Variants in RBFOX1 observed in about 807,000 individuals in gnomAD.
RBFOX1 encodes RNA binding fox-1 homolog 1, also known as RNA binding protein fox-1 homolog 1.
Under a neutral mutation model 57.7 loss-of-function variants are expected in RBFOX1, and 8 were observed. The observed-to-expected ratio is 0.14, with a 90% CI of 0.08 to 0.25. RBFOX1 has a LOEUF of 0.25. Ranked by LOEUF, RBFOX1 falls within the 10% of genes least tolerant of loss-of-function variation. The pLI is 1.00. For missense variants in RBFOX1, 611 were observed against 548.5 expected (o/e 1.11, Z -1.14); for synonymous variants, 326 against 222.4 (o/e 1.47, Z -4.15).
At position 5,480,591 on chromosome 16, in the gene RBFOX1, A is replaced by G. The variant is rs868173325; in HGVS notation, c.258+13337A>G. On this transcript the variant is annotated intron_variant, in intron 2 of 2. Transcript: ENST00000585867. ...ACCAGCCCAGCCTATTTTAGTTCCC[A>G]ATGGCTTTCTTAATTCTTTGTAGAA... Among the ~76,000 whole-genome samples the G allele has an allele frequency of 4.6e-5, 7 of 152,312 alleles. No homozygotes were observed. The South Asian group carries it at 1.5e-3, about 32-fold the overall frequency.
intron 1 of RBFOX1, among the ~76,000 whole-genome samples, chr16:6,109,407 T>C (rs1418198275): frequency 6.6e-6 from 1 of 152,180 alleles, no homozygotes; most frequent in Admixed American, 6.5e-5. Flanking sequence ...TACTGACTTA[T>C]TTTCTTCTTA....
At chr16:7,008,219 G>GT (rs775485377) in intron 3 of RBFOX1, among the ~76,000 whole-genome samples, 1 of 152,242 alleles carries the variant, frequency 6.6e-6, no homozygotes, top group Non-Finnish European at 1.5e-5. Flanking sequence ...GCTTTAATGA[G>GT]TTTTGAATGA....
chr16:5,243,070 C>T (rs1168086581), intron 1 of RBFOX1, among the ~76,000 whole-genome samples: 1 of 151,872 alleles, frequency 6.6e-6, no homozygotes, highest in Non-Finnish European at 1.5e-5. Flanking sequence ...CCACAAACAC[C>T]CACCCCATTG....
intron 3 of RBFOX1, among the ~76,000 whole-genome samples, chr16:6,747,139 G>C (rs748133394): frequency 6.6e-6 from 1 of 152,170 alleles, no homozygotes; most frequent in South Asian, 2.1e-4. Context: ...GCCAGGCGCA[G>C]TGGCTCACGC....
At chr16:6,957,215 T>G (rs1351321373) in intron 3 of RBFOX1, among the ~76,000 whole-genome samples, 1 of 151,416 alleles carries the variant, frequency 6.6e-6, no homozygotes, top group African/African-American at 2.4e-5. Context: ...CACTGCAAGC[T>G]CCGCCTCCCG....
At chr16:7,282,818 G>C (rs150141558) in intron 4 of RBFOX1, among the ~76,000 whole-genome samples, 341 of 152,302 alleles carry the variant, frequency 2.2e-3, no homozygotes, top group African/African-American at 8.0e-3. Flanking sequence ...ACTTATGAGT[G>C]AGAACATATG....
At position 6,251,778 on chromosome 16, in the gene RBFOX1, T is replaced by C. The variant is rs187045733; in HGVS notation, c.-126-65217T>C. On this transcript the variant is annotated intron_variant, in intron 1 of 15. Transcript: ENST00000550418. ...TTCATGCTGCCCCTAATGACGTAGC[T>C]GGAGTCACTTCACTTCGGGACTTCT... 9.9e-5 allele frequency among the ~76,000 whole-genome samples: 15 copies of C among 152,190 alleles called. No homozygotes were observed. In the East Asian group the frequency reaches 2.9e-3, roughly 30 times the overall value.
chr16:6,926,037 G>A (rs1053568068), intron 3 of RBFOX1, among the ~76,000 whole-genome samples: 1 of 152,056 alleles, frequency 6.6e-6, no homozygotes, highest in Non-Finnish European at 1.5e-5. Flanking sequence ...GGCTGGGCTT[G>A]GTGGCTCGTG....
intron 3 of RBFOX1, among the ~76,000 whole-genome samples, chr16:6,903,295 C>A (rs922245012): frequency 1.3e-5 from 2 of 152,064 alleles, no homozygotes; most frequent in South Asian, 4.1e-4. Context: ...GCTGACCGTT[C>A]CTAGAGAGGT....
At chr16:7,414,386 A>G (rs576304412) in intron 4 of RBFOX1, among the ~76,000 whole-genome samples, 1 of 152,192 alleles carries the variant, frequency 6.6e-6, no homozygotes, top group East Asian at 1.9e-4. Context: ...TTCTGAGAAG[A>G]TTACATGAGA....
At chr16:6,327,066 C>A (rs945185270) in intron 2 of RBFOX1, among the ~76,000 whole-genome samples, 6 of 152,146 alleles carry the variant, frequency 3.9e-5, no homozygotes, top group African/African-American at 1.4e-4. Context: ...TCACCTGCAC[C>A]TGAATGGCTC....
intron 4 of RBFOX1, among the ~76,000 whole-genome samples, chr16:5,871,927 G>A (rs2057484279): frequency 6.6e-6 from 1 of 152,142 alleles, no homozygotes; most frequent in Admixed American, 6.5e-5. Flanking sequence ...TAATTGCAAT[G>A]GGAAACTACG....
chr16:5,725,953 A>C (rs971893994), intron 3 of RBFOX1, among the ~76,000 whole-genome samples: 10 of 152,086 alleles, frequency 6.6e-5, no homozygotes, highest in African/African-American at 2.4e-4. Context: ...CATCCATACA[A>C]ACCCACATTT....
chr16:6,360,837 C>T (rs2088340160), intron 2 of RBFOX1, among the ~76,000 whole-genome samples: 1 of 152,154 alleles, frequency 6.6e-6, no homozygotes, highest in African/African-American at 2.4e-5. Flanking sequence ...GTGAATGGCG[C>T]CCCCTACAGT....
intron 1 of RBFOX1, among the ~76,000 whole-genome samples, chr16:5,284,072 A>G (rs2063335179): frequency 6.6e-6 from 1 of 152,022 alleles, no homozygotes; most frequent in Non-Finnish European, 1.5e-5. Flanking sequence ...TAAGTCTCGC[A>G]AGATCTGATG....
chr16:7,025,047 CA>C, intron 3 of RBFOX1, among the ~76,000 whole-genome samples: 1 of 152,132 alleles, frequency 6.6e-6, no homozygotes, highest in South Asian at 2.1e-4. Context: ...AGATCTCCCG[CA>C]AGACAAGAGT....
chr16:6,529,874 A>G (rs2096632399), intron 2 of RBFOX1, among the ~76,000 whole-genome samples: 1 of 152,154 alleles, frequency 6.6e-6, no homozygotes, highest in South Asian at 2.1e-4. Flanking sequence ...TCAGTGAGAT[A>G]TAAACATGAG....
intron 3 of RBFOX1, among the ~76,000 whole-genome samples, chr16:6,948,077 G>C (rs2079924132): frequency 6.6e-6 from 1 of 152,064 alleles, no homozygotes; most frequent in East Asian, 1.9e-4. Context: ...CCATGGCCTG[G>C]CCTACATATT....
chr16:5,649,517 T>C (rs1035861994), intron 3 of RBFOX1, among the ~76,000 whole-genome samples: 5 of 152,162 alleles, frequency 3.3e-5, no homozygotes, highest in Non-Finnish European at 7.3e-5. Flanking sequence ...CATTGGCAGT[T>C]GTTATTGGTC....
Sources: gnomAD v4.1 joint callset for allele counts (sites outside exome capture counted in the v4.1 genomes callset) on GRCh38, gnomAD v4.1.1 for gene constraint, MANE v1.5 for transcripts, NCBI Gene and HGNC (gene_info 2026-07-23, HGNC 2026-07-21) for gene names.